Variants in RHOT1 observed in about 807,000 individuals in gnomAD.
The protein encoded by RHOT1 is mitochondrial Rho GTPase 1.
RHOT1 carries 27 observed loss-of-function variants against 95.3 expected under a neutral mutation model. That is an observed-to-expected ratio of 0.28 (90% CI 0.21 to 0.39). The LOEUF is 0.39. Ranked by LOEUF, RHOT1 falls within the 10% of genes least tolerant of loss-of-function variation. The pLI, the probability that RHOT1 is intolerant of heterozygous loss-of-function variation, is 1.00. For missense variants in RHOT1, 578 were observed against 786.7 expected, an observed-to-expected ratio of 0.73 and a Z score of 3.17; for synonymous variants, 227 against 263.5, an observed-to-expected ratio of 0.86 and a Z score of 1.34.
chr17:32,166,528 A>C (rs1312497391), intron 1 of RHOT1, among the ~76,000 whole-genome samples: 4 of 152,238 alleles, frequency 2.6e-5, no homozygotes, highest in Non-Finnish European at 5.9e-5. Context: ...CATTTTACCC[A>C]CAGTGGAACT....
Position 32,199,013 on chromosome 17 carries a change from C to T in RHOT1, c.936C>T (p.Thr312=), listed in dbSNP as rs1438231503. 3 of 1,607,360 alleles carry T rather than the reference C, an allele frequency of 1.9e-6. No individual in the cohort carries two copies. The highest frequency in any genetic ancestry group is 2.6e-6 in the Non-Finnish European group (3 of 1,174,456). The change falls in exon 12 of 20, where the codon ACC becomes ACT. Residue 312 remains threonine (T), a synonymous_variant. Transcript: ENST00000545287. Reference sequence around the variant, plus strand: ...ATGCATATTTATTTCTCCAAAGCACCTTTGACAAGCATGATTTGGTAAGCC... The same window carrying T: ...ATGCATATTTATTTCTCCAAAGCACTTTTGACAAGCATGATTTGGTAAGCC... The part of the protein sequence containing the change: ...NHHAYLFLQS[T]FDKHDLDRDC...
intron 1 of RHOT1, among the ~76,000 whole-genome samples, chr17:32,166,905 C>A (rs1366126577): frequency 6.6e-6 from 1 of 152,176 alleles, no homozygotes; most frequent in Non-Finnish European, 1.5e-5. Flanking sequence ...CTGTGAATCA[C>A]AAATGTTCTT....
intron 19 of RHOT1, among the ~76,000 whole-genome samples, chr17:32,222,444 G>A (rs1470436366): frequency 1.3e-5 from 2 of 152,100 alleles, no homozygotes; most frequent in Non-Finnish European, 2.9e-5. Context: ...TTGGTTTAAA[G>A]GACTTGGTAT....
intron 6 of RHOT1, among the ~76,000 whole-genome samples, chr17:32,178,438 T>C (rs7221734): frequency 0.042 from 6,394 of 152,198 alleles, 457 homozygotes; most frequent in African/African-American, 0.15. Context: ...GTGATCTGCC[T>C]GCCGTGGCCT....
At chr17:32,221,370 CAAAAAAAAA>C (rs397805349) in intron 19 of RHOT1, among the ~76,000 whole-genome samples, 3 of 68,002 alleles carry the variant, frequency 4.4e-5, no homozygotes, top group African/African-American at 1.5e-4. Context: ...TCGTCTGTCT[CAAAAAAAAA>C]AAAAAAAAGA....
chr17:32,150,467 G>A (rs901030546), intron 1 of RHOT1: 2 of 918,350 alleles, frequency 2.2e-6, no homozygotes, highest in Admixed American at 2.4e-5. Context: ...GAGGTTTTCT[G>A]GAATTCCAGG....
At chr17:32,167,556 G>A (rs933028378) in intron 1 of RHOT1, among the ~76,000 whole-genome samples, 2 of 152,062 alleles carry the variant, frequency 1.3e-5, no homozygotes, top group Non-Finnish European at 2.9e-5. Flanking sequence ...CACCATGCCC[G>A]GCCAGATTGA....
rs145833407 is a variant in RHOT1, at chr17:32,212,938, T to A, written c.1862+1700T>A. On this transcript the variant is annotated intron_variant, in intron 19 of 19. Coordinates refer to ENST00000545287, the MANE Select transcript of RHOT1 (RefSeq NM_001033566.3). ...AAGCCCCTTAGGTTTTCACAGTACC[T>A]CTTAAAAGGTGCCACCAAGAATAGA... Among the ~76,000 whole-genome samples, 161 of 152,256 alleles carry A rather than the reference T, an allele frequency of 1.1e-3. 2 individuals carry two copies. The South Asian group carries it at 0.013, about 12-fold the overall frequency.
intron 4 of RHOT1, 41 bp from the exon 5 acceptor site, chr17:32,175,921 A>T: frequency 7.3e-7 from 1 of 1,376,472 alleles, no homozygotes; most frequent in Non-Finnish European, 9.9e-7. Flanking sequence ...CTATGTTTTT[A>T]TTATTTTTAG....
At chr17:32,188,769 T>G (rs1462964668) in intron 8 of RHOT1, among the ~76,000 whole-genome samples, 1 of 152,248 alleles carries the variant, frequency 6.6e-6, no homozygotes. Context: ...CTACATGACA[T>G]GCTTGATTTT....
At chr17:32,206,827 A>T in intron 16 of RHOT1, 83 bp from the exon 17 acceptor site, 1 of 991,672 alleles carries the variant, frequency 1.0e-6, no homozygotes, top group Non-Finnish European at 1.5e-6. Context: ...TAGGAAGTCC[A>T]GGGAAGGAAG....
intron 4 of RHOT1, 112 bp downstream of exon 4, chr17:32,175,474 C>A: frequency 3.7e-6 from 4 of 1,070,368 alleles, no homozygotes; most frequent in South Asian, 1.3e-5. Flanking sequence ...TTTTTTGGGA[C>A]CGTGTTTCAC....
At chr17:32,174,784 G>A (rs1201216850) in intron 3 of RHOT1, among the ~76,000 whole-genome samples, 1 of 152,088 alleles carries the variant, frequency 6.6e-6, no homozygotes, top group African/African-American at 2.4e-5. Flanking sequence ...CCCTGCATGC[G>A]TGGAATTGCA....
Position 32,200,831 on chromosome 17 carries a change from A to G in RHOT1, c.1101-125A>G, listed in dbSNP as rs564399605. 20 of 628,022 alleles carry G rather than the reference A, an allele frequency of 3.2e-5. No individual in the cohort carries two copies. The African/African-American group carries it at 3.6e-4, about 11-fold the overall frequency. 38.9% of individuals were successfully genotyped at this position (628,022 alleles called of 1,614,324 possible). ...AAAACTATGGTTGGGCTCATAGGAAATTAAAGTAGTCTAGACAAAAATTAT... is the reference window on the plus strand; with the variant it reads ...AAAACTATGGTTGGGCTCATAGGAAGTTAAAGTAGTCTAGACAAAAATTAT... On this transcript the variant is annotated intron_variant, in intron 13 of 19. Coordinates refer to ENST00000545287, the MANE Select transcript of RHOT1 (RefSeq NM_001033566.3).
At chr17:32,222,673 G>T (rs2038905392) in intron 19 of RHOT1, among the ~76,000 whole-genome samples, 1 of 152,066 alleles carries the variant, frequency 6.6e-6, no homozygotes, top group African/African-American at 2.4e-5. Flanking sequence ...TTTATGTGTG[G>T]GATGCATAAT....
At chr17:32,154,321 CT>C (rs550061340) in intron 1 of RHOT1, among the ~76,000 whole-genome samples, 139 of 151,084 alleles carry the variant, frequency 9.2e-4, no homozygotes, top group Non-Finnish European at 1.8e-3. Flanking sequence ...TGGCTCACGC[CT>C]GTAATCCCAG....
At chr17:32,201,335 G>C (rs1462277651) in intron 14 of RHOT1, among the ~76,000 whole-genome samples, 1 of 152,210 alleles carries the variant, frequency 6.6e-6, no homozygotes, top group Non-Finnish European at 1.5e-5. Flanking sequence ...TTTACCAGTT[G>C]ATCTTGCGTT....
intron 19 of RHOT1, among the ~76,000 whole-genome samples, chr17:32,219,828 T>C (rs952433884): frequency 2.6e-5 from 4 of 152,206 alleles, no homozygotes; most frequent in African/African-American, 9.7e-5. Context: ...AGGGTTATAT[T>C]CAACATTTAG....
intron 9 of RHOT1, among the ~76,000 whole-genome samples, chr17:32,192,860 C>T (rs1277257836): frequency 1.3e-4 from 19 of 151,808 alleles, no homozygotes; most frequent in Admixed American, 7.9e-4. Context: ...TTAGTAGAGA[C>T]GGGGTTTCAC....
Sources: gnomAD v4.1 joint callset for allele counts (sites outside exome capture counted in the v4.1 genomes callset) on GRCh38, gnomAD v4.1.1 for gene constraint, MANE v1.5 for transcripts, NCBI Gene and HGNC (gene_info 2026-07-23, HGNC 2026-07-21) for gene names.